Variants in TATDN1 observed in about 807,000 individuals in gnomAD.
TATDN1 encodes deoxyribonuclease TATDN1.
TATDN1 carries 40 observed loss-of-function variants against 46.4 expected under a neutral mutation model. That is an observed-to-expected ratio of 0.86 (90% CI 0.67 to 1.12). The LOEUF (loss-of-function observed/expected upper bound fraction) is 1.12, where lower values mean the gene tolerates loss of function less well. Among genes scored for constraint, TATDN1 ranks in the 50% most tolerant of loss-of-function variants. The pLI is 0.00. For synonymous variants in TATDN1, 95 were observed against 105.6 expected, an observed-to-expected ratio of 0.90 and a Z score of 0.62; for missense variants, 326 against 348.4, an observed-to-expected ratio of 0.94 and a Z score of 0.51.
In TATDN1 at chr8:124,493,990, G is replaced by GGTTT. The variant is rs1393057805; in HGVS notation, c.665-35_665-32dup. 5 of 1,543,966 alleles carry GGTTT rather than the reference G, an allele frequency of 3.2e-6. No homozygotes were observed. The African/African-American group carries it at 7.0e-5, about 22-fold the overall frequency. On this transcript the variant is annotated intron_variant, in intron 10 of 11. Transcript: ENST00000276692. The stretch of plus-strand genomic sequence containing the variant: ...TAAGCAAAGAAAGTGTCTCGTAAGG[G>GGTTT]GTTTACATTTTTAAAAATTTTTTAT...
At chr8:124,517,408 A>G in intron 4 of TATDN1, among the ~76,000 whole-genome samples, 1 of 151,030 alleles carries the variant, frequency 6.6e-6, no homozygotes, top group Non-Finnish European at 1.5e-5. Context: ...AGCCTGGGTG[A>G]TAGAACAAGA....
chr8:124,511,052 T>C (rs1446629893), intron 6 of TATDN1, among the ~76,000 whole-genome samples: 1 of 152,194 alleles, frequency 6.6e-6, no homozygotes, highest in Non-Finnish European at 1.5e-5. Flanking sequence ...TAGAAATAAC[T>C]GTATAAGTTA....
intron 9 of TATDN1, among the ~76,000 whole-genome samples, chr8:124,498,066 G>A (rs1406160469): frequency 6.6e-6 from 1 of 151,974 alleles, no homozygotes; most frequent in Non-Finnish European, 1.5e-5. Context: ...GGTCGCACTG[G>A]GGTTAGTTTT....
intron 4 of TATDN1, among the ~76,000 whole-genome samples, chr8:124,517,994 G>A (rs891957894): frequency 2.0e-5 from 3 of 151,778 alleles, no homozygotes; most frequent in Non-Finnish European, 2.9e-5. Flanking sequence ...GGCGGATCAC[G>A]AGGTCAGGAG....
At chr8:124,531,299 G>A (rs1023474999) in intron 1 of TATDN1, among the ~76,000 whole-genome samples, 2 of 152,160 alleles carry the variant, frequency 1.3e-5, no homozygotes. Flanking sequence ...TGGTGGGAAT[G>A]GACTGCAGAA....
chr8:124,523,480 G>A (rs1820228072), intron 1 of TATDN1: 1 of 152,566 alleles, frequency 6.6e-6, no homozygotes, highest in African/African-American at 2.4e-5. Context: ...AGGCTGTTCT[G>A]GCTGCTGGAG....
In TATDN1 at chr8:124,488,867, C is replaced by T. The variant is rs567039476; in HGVS notation, c.792-171G>A. 202 of 580,406 alleles carry T rather than the reference C, an allele frequency of 3.5e-4. No homozygotes were observed. The African/African-American group carries it at 3.7e-3, about 11-fold the overall frequency. The allele number at this position is 580,406 out of a possible 1,614,324, so 36.0% of individuals were successfully genotyped here. On this transcript the variant is annotated intron_variant, in intron 11 of 11. Transcript: ENST00000276692. ...CAATAGAAAAACTTACTGCCAGTAA[C>T]TGGAAACAGATTTATGGACTGTCTT... is the stretch of plus-strand genomic sequence containing the variant.
rs1229190865 is a variant in TATDN1, at chr8:124,507,794, A to AC, written c.516+679_516+680insG. ...CCCTTTCTTAATAACCAAAAAAAAA[A>AC]AAAAACAAAAAACACACACAAAAAA... On this transcript the variant is annotated intron_variant, in intron 8 of 11. Coordinates refer to ENST00000276692, the MANE Select transcript of TATDN1 (RefSeq NM_032026.4). Among the ~76,000 whole-genome samples, 23 of 151,994 alleles carry AC rather than the reference A, an allele frequency of 1.5e-4. No homozygotes were observed. The South Asian group carries it at 2.3e-3, about 15-fold the overall frequency.
chr8:124,539,067 C>T lies in TATDN1; in HGVS notation c.-21G>A. 1 of 1,612,262 alleles carries T rather than the reference C, an allele frequency of 6.2e-7. No individual in the cohort carries two copies. Among genetic ancestry groups the T allele is most frequent in the Non-Finnish European group, 8.5e-7 (1 of 1,178,436 alleles). On this transcript the variant is annotated 5_prime_UTR_variant, in exon 1 of 12. Transcript: ENST00000276692. ...CTCATGACTGCGCATGGAGGACCTC[C>T]CCAGCGGAAGCGGAAGTGGCCGCCG...
intron 1 of TATDN1, 33 bp from the exon 2 acceptor site, chr8:124,523,035 G>A: frequency 6.3e-7 from 1 of 1,575,812 alleles, no homozygotes; most frequent in Non-Finnish European, 8.7e-7. Context: ...ATTAATTATT[G>A]AGTCTCTACA....
intron 6 of TATDN1, among the ~76,000 whole-genome samples, chr8:124,510,660 C>CA (rs1818927195): frequency 6.6e-6 from 1 of 151,822 alleles, no homozygotes; most frequent in South Asian, 2.1e-4. Flanking sequence ...CCCATCTCTA[C>CA]AAAAAATACA....
chr8:124,538,937 G>C (rs773596724), intron 1 of TATDN1, 88 bp downstream of exon 1: 1 of 1,531,848 alleles, frequency 6.5e-7, no homozygotes, highest in South Asian at 1.1e-5. Context: ...CAATGCCGGA[G>C]GGCGCAATTC....
chr8:124,526,838 G>A (rs1426287832), intron 1 of TATDN1: 2 of 152,174 alleles, frequency 1.3e-5, no homozygotes, highest in African/African-American at 4.8e-5. Context: ...GGAATACAAA[G>A]GGACAGCAAA....
intron 6 of TATDN1, among the ~76,000 whole-genome samples, chr8:124,512,022 T>C (rs1351422311): frequency 6.6e-6 from 1 of 152,248 alleles, no homozygotes. Flanking sequence ...CTTACCATTA[T>C]TTTTCAGACA....
rs533553955 is a variant in TATDN1 at position 124,525,372 on chromosome 8, C to T, written c.23-2370G>A. On this transcript the variant is annotated intron_variant, in intron 1 of 11. Transcript: ENST00000276692. ...ATGTTGGACAGGCTGGTCTCGAACT[C>T]CTGACCTCAGGAGCTCCACCCACCT... is the stretch of plus-strand genomic sequence containing the variant. 2.0e-5 allele frequency among the ~76,000 whole-genome samples: 3 copies of T among 152,204 alleles called. No individual in the cohort carries two copies. In the East Asian group the frequency reaches 5.8e-4, roughly 29 times the overall value.
rs533133167 is a variant in TATDN1, at chr8:124,518,429, C to T, written c.202+389G>A. Among the ~76,000 whole-genome samples the T allele has an allele frequency of 5.3e-5, 8 of 150,124 alleles. No homozygotes were observed. The South Asian group carries it at 1.7e-3, about 32-fold the overall frequency. On this transcript the variant is annotated intron_variant, in intron 4 of 11. Coordinates refer to ENST00000276692, the MANE Select transcript of TATDN1 (RefSeq NM_032026.4). ...GTCCCAGCTACCCGGGAGGCTGAGGCAGGAGAATGGTGTGAACCTGGGAGG... is the reference window on the plus strand; with the variant it reads ...GTCCCAGCTACCCGGGAGGCTGAGGTAGGAGAATGGTGTGAACCTGGGAGG...
intron 1 of TATDN1, among the ~76,000 whole-genome samples, chr8:124,524,541 A>G (rs530763963): frequency 6.6e-6 from 1 of 152,318 alleles, no homozygotes; most frequent in African/African-American, 2.4e-5. Context: ...GTCTAGGGTC[A>G]CCGATCATCA....
At chr8:124,535,647 A>T (rs2131582396) in intron 1 of TATDN1, among the ~76,000 whole-genome samples, 1 of 152,368 alleles carries the variant, frequency 6.6e-6, no homozygotes, top group Non-Finnish European at 1.5e-5. Flanking sequence ...AGATCTGGAA[A>T]GATAGACATG....
intron 11 of TATDN1, chr8:124,491,212 T>C (rs1816964351): frequency 6.6e-6 from 1 of 152,168 alleles, no homozygotes; most frequent in South Asian, 2.1e-4. Context: ...TTAAAATCCT[T>C]TGGGTAGTGA....
Sources: allele counts gnomAD v4.1 joint callset (sites outside exome capture counted in the v4.1 genomes callset), GRCh38; gene constraint gnomAD v4.1.1; transcripts MANE v1.5; gene names NCBI Gene and HGNC (gene_info 2026-07-23, HGNC 2026-07-21).